Variants in ADGRL3 observed in about 807,000 individuals in gnomAD.
ADGRL3 encodes the protein adhesion G protein-coupled receptor L3, also known as calcium-independent alpha-latrotoxin receptor 3.
ADGRL3 carries 62 observed loss-of-function variants against 153.5 expected under a neutral mutation model. The observed-to-expected ratio is 0.40, with a 90% confidence interval of 0.33 to 0.50. The LOEUF is 0.50. Among genes scored for constraint, ADGRL3 ranks in the 20% least tolerant of loss-of-function variants. ADGRL3 has a pLI of 0.47. For missense variants in ADGRL3, 1,641 were observed against 1,859.4 expected, an observed-to-expected ratio of 0.88 and a Z score of 2.16; for synonymous variants, 710 against 672.5, an observed-to-expected ratio of 1.06 and a Z score of -0.86.
intron 4 of ADGRL3, among the ~76,000 whole-genome samples, chr4:61,528,231 C>T (rs1394075923): frequency 6.6e-6 from 1 of 152,118 alleles, no homozygotes. Flanking sequence ...AATTCTATCA[C>T]TTGCAGCAAG....
intron 9 of ADGRL3, among the ~76,000 whole-genome samples, chr4:61,867,515 C>CATATATATATATATATATATAT (rs3065826): frequency 0.023 from 1,876 of 80,342 alleles, 128 homozygotes; most frequent in Middle Eastern, 0.041. Context: ...AATATATATG[C>CATATATATATATATATATATAT]ATATATATAT....
intron 9 of ADGRL3, among the ~76,000 whole-genome samples, chr4:61,869,991 G>GGAGA (rs1178772578): frequency 1.7e-4 from 14 of 80,932 alleles, no homozygotes; most frequent in African/African-American, 4.9e-4. Flanking sequence ...AGAGAGAGAG[G>GGAGA]GAGAGAGAGA....
At chr4:61,699,443 CAAAAT>C (rs1192949836) in intron 6 of ADGRL3, among the ~76,000 whole-genome samples, 1 of 152,006 alleles carries the variant, frequency 6.6e-6, no homozygotes, top group Non-Finnish European at 1.5e-5. Flanking sequence ...CAGCAGGAAA[CAAAAT>C]AAAATAAGAT....
At chr4:62,005,764 T>C (rs2099155197) in intron 21 of ADGRL3, among the ~76,000 whole-genome samples, 1 of 151,698 alleles carries the variant, frequency 6.6e-6, no homozygotes, top group Admixed American at 6.6e-5. Flanking sequence ...AATCAGAGAA[T>C]AGTTACAATA....
chr4:61,863,880 T>G (rs1465142723), intron 9 of ADGRL3, among the ~76,000 whole-genome samples: 1 of 152,186 alleles, frequency 6.6e-6, no homozygotes, highest in Non-Finnish European at 1.5e-5. Flanking sequence ...CAAAGGATAT[T>G]TTAAGTATGC....
chr4:61,238,601 TACAG>T (rs1343555625), intron 1 of ADGRL3, among the ~76,000 whole-genome samples: 1 of 152,010 alleles, frequency 6.6e-6, no homozygotes, highest in Non-Finnish European at 1.5e-5. Context: ...GAGCCCCAAT[TACAG>T]ACAGTCAGTG....
At chr4:61,538,818 C>A (rs2098672944) in intron 4 of ADGRL3, among the ~76,000 whole-genome samples, 1 of 152,218 alleles carries the variant, frequency 6.6e-6, no homozygotes, top group African/African-American at 2.4e-5. Flanking sequence ...GGTAATCTGA[C>A]AATGAATGGA....
chr4:61,456,462 T>G (rs1207201438), intron 2 of ADGRL3, among the ~76,000 whole-genome samples: 22 of 130,070 alleles, frequency 1.7e-4, no homozygotes, highest in Admixed American at 7.2e-4. Flanking sequence ...TCTATATATA[T>G]AGATATATCT....
At chr4:61,935,665 T>C (rs1343778999) in intron 14 of ADGRL3, among the ~76,000 whole-genome samples, 1 of 152,122 alleles carries the variant, frequency 6.6e-6, no homozygotes, top group Non-Finnish European at 1.5e-5. Context: ...CCAATGACAA[T>C]GTATTAGAAT....
chr4:61,470,737 C>A (rs945237795), intron 2 of ADGRL3, among the ~76,000 whole-genome samples: 2 of 151,662 alleles, frequency 1.3e-5, no homozygotes, highest in African/African-American at 4.8e-5. Context: ...TAATATGGTT[C>A]ATTTTAATGA....
chr4:61,425,591 A>C (rs991971977), intron 2 of ADGRL3, among the ~76,000 whole-genome samples: 2 of 152,164 alleles, frequency 1.3e-5, no homozygotes, highest in South Asian at 4.1e-4. Flanking sequence ...CTAACCATTC[A>C]TTTCTGGTAG....
rs115441683 is a variant in ADGRL3 at position 61,406,245 on chromosome 4, C to A, written c.-174+23056C>A. The stretch of plus-strand genomic sequence containing the variant: ...CATGTGGGAAAGCCAAGCTTTGAAT[C>A]CAGGCTGAGACCCAAGTGCCATACA... On this transcript the variant is annotated intron_variant, in intron 2 of 26. Transcript: ENST00000683033. Among the ~76,000 whole-genome samples the A allele has an allele frequency of 7.4e-3, 1,119 of 151,898 alleles. 19 individuals are homozygous for A. Among genetic ancestry groups the A allele is most frequent in the African/African-American group, 0.026 (1,067 of 41,484 alleles).
rs2098632224 is a variant in ADGRL3, at chr4:61,532,907, A to G, written c.259+15389A>G. ...GGGATTAGAGAAACTGTAGTGAAGT[A>G]TGAAATGAAAGCTCAGTTGGAAAAG... On this transcript the variant is annotated intron_variant, in intron 4 of 26. Coordinates refer to ENST00000683033, the MANE Select transcript of ADGRL3 (RefSeq NM_001387552.1). Among the ~76,000 whole-genome samples the G allele has an allele frequency of 5.9e-5, 9 of 152,242 alleles. No homozygotes were observed. The South Asian group carries it at 1.9e-3, about 32-fold the overall frequency.
At chr4:61,742,424 G>A (rs1030791475) in intron 8 of ADGRL3, among the ~76,000 whole-genome samples, 18 of 151,974 alleles carry the variant, frequency 1.2e-4, no homozygotes, top group Admixed American at 5.9e-4. Context: ...GACTACAGGC[G>A]CCCGCCACCA....
At chr4:61,458,608 T>C (rs1488001189) in intron 2 of ADGRL3, among the ~76,000 whole-genome samples, 1 of 151,556 alleles carries the variant, frequency 6.6e-6, no homozygotes, top group Non-Finnish European at 1.5e-5. Flanking sequence ...CTCCCAGATA[T>C]CAACTTATTG....
At chr4:61,425,823 C>A (rs143234980) in intron 2 of ADGRL3, among the ~76,000 whole-genome samples, 20 of 152,366 alleles carry the variant, frequency 1.3e-4, no homozygotes, top group African/African-American at 3.6e-4. Flanking sequence ...GGCCCTCCCC[C>A]CTGGGGCTAT....
intron 21 of ADGRL3, among the ~76,000 whole-genome samples, chr4:62,028,250 C>T (rs149512364): frequency 4.6e-4 from 70 of 151,696 alleles, no homozygotes; most frequent in Non-Finnish European, 7.8e-4. Flanking sequence ...AATAAGCAGG[C>T]GTTGTATGTT....
At chr4:61,780,878 C>T (rs2097205466) in intron 8 of ADGRL3, among the ~76,000 whole-genome samples, 1 of 152,184 alleles carries the variant, frequency 6.6e-6, no homozygotes, top group African/African-American at 2.4e-5. Flanking sequence ...TCTTACTTTT[C>T]TCTTAAAGAC....
At chr4:61,881,629 C>T (rs573997324) in intron 9 of ADGRL3, among the ~76,000 whole-genome samples, 31 of 152,272 alleles carry the variant, frequency 2.0e-4, no homozygotes, top group South Asian at 2.1e-4. Flanking sequence ...CTGCCTGCCT[C>T]GGCCGCCCAA....
Sources: allele counts gnomAD v4.1 joint callset (sites outside exome capture counted in the v4.1 genomes callset), GRCh38; gene constraint gnomAD v4.1.1; transcripts MANE v1.5; gene names NCBI Gene and HGNC (gene_info 2026-07-23, HGNC 2026-07-21).